The following VPS41 variants were observed in gnomAD, a reference collection of about 807,000 sequenced individuals.
VPS41 encodes the protein VPS41 subunit of HOPS complex, also known as vacuolar protein sorting-associated protein 41 homolog.
Under a neutral mutation model 130.9 loss-of-function variants are expected in VPS41, and 85 were observed. The ratio of observed to expected loss-of-function variants is 0.65; its 90% CI spans 0.55 to 0.78. VPS41 has a LOEUF of 0.78. Among genes scored for constraint, VPS41 ranks in the 30% least tolerant of loss-of-function variants. The probability of loss-of-function intolerance (pLI) is 0.00; values close to 1 mark genes in which losing one functional copy is unlikely to be tolerated. For synonymous variants in VPS41, 335 were observed against 332.9 expected (o/e 1.01, Z -0.07); for missense variants, 874 against 1,018.7 (o/e 0.86, Z 1.93).
At chr7:38,892,461 A>G (rs1308691088) in intron 2 of VPS41, among the ~76,000 whole-genome samples, 1 of 152,144 alleles carries the variant, frequency 6.6e-6, no homozygotes, top group African/African-American at 2.4e-5. Flanking sequence ...ATAACTGTTC[A>G]TTTTTGTAAT....
chr7:38,782,868 G>C (rs899011480), intron 10 of VPS41, among the ~76,000 whole-genome samples: 14 of 152,154 alleles, frequency 9.2e-5, no homozygotes, highest in African/African-American at 3.4e-4. Flanking sequence ...TTTAATCACA[G>C]CAATTTGGGA....
chr7:38,815,583 G>A lies in VPS41; in HGVS notation c.450+2234C>T, dbSNP rs114567041. On this transcript the variant is annotated intron_variant, in intron 7 of 28. Coordinates refer to ENST00000310301, the MANE Select transcript of VPS41 (RefSeq NM_014396.4). ...GAAGGATGCAAAGTATTGCTCCTGG[G>A]TGTGTCTGAGGGTGCTGCCCAAAGG... Among the ~76,000 whole-genome samples, 832 of 152,288 alleles carry A rather than the reference G, an allele frequency of 5.5e-3. 7 individuals are homozygous for A. The highest frequency in any genetic ancestry group is 0.018 in the African/African-American group (754 of 41,542).
chr7:38,732,956 T>G (rs1431155291), intron 25 of VPS41, among the ~76,000 whole-genome samples: 1 of 152,224 alleles, frequency 6.6e-6, no homozygotes, highest in East Asian at 1.9e-4. Context: ...GCCTCCCATG[T>G]AGCTGGGACC....
chr7:38,780,284 A>G (rs1001893312), intron 10 of VPS41, among the ~76,000 whole-genome samples: 2 of 151,420 alleles, frequency 1.3e-5, no homozygotes, highest in Admixed American at 6.6e-5. Context: ...CTAGAAAGCC[A>G]GCTGAGGCTC....
intron 10 of VPS41, among the ~76,000 whole-genome samples, chr7:38,786,651 GA>G (rs968809998): frequency 7.2e-5 from 11 of 151,766 alleles, no homozygotes; most frequent in Non-Finnish European, 1.2e-4. Flanking sequence ...CAAAATGTTA[GA>G]AAAAAAATTC....
intron 25 of VPS41, among the ~76,000 whole-genome samples, chr7:38,739,619 C>T (rs1186672052): frequency 3.3e-5 from 5 of 152,162 alleles, no homozygotes; most frequent in South Asian, 2.1e-4. Context: ...CACCTGCCCC[C>T]GGAGAGCATT....
At chr7:38,842,259 C>A (rs1190703261) in intron 4 of VPS41, among the ~76,000 whole-genome samples, 1 of 152,156 alleles carries the variant, frequency 6.6e-6, no homozygotes, top group East Asian at 1.9e-4. Context: ...ACTGCTGTAG[C>A]AAATGATCTC....
Position 38,817,855 on chromosome 7 carries a change from T to C in VPS41, c.412A>G (p.Arg138Gly). The change falls in exon 7 of 29, where the codon AGA becomes GGA. Residue 138 changes from arginine (R) to glycine (G), a missense_variant. Arg to Gly is a moderately radical substitution (Grantham distance 125). Transcript: ENST00000310301. ...GTCACAAACTGCTTGCAACTGGATC[T>C]CACGAAATGTGGGTGCACAGCAATA... is the stretch of plus-strand genomic sequence containing the variant. ...KIIAVHPHFV[R>G]SSCKQFVTGG... The C allele has an allele frequency of 1.2e-6, 2 of 1,614,062 alleles. No homozygotes were observed. Among genetic ancestry groups the C allele is most frequent in the Non-Finnish European group, 1.7e-6 (2 of 1,180,004 alleles).
At chr7:38,728,836 A>G (rs1355716121) in intron 25 of VPS41, 45 bp from the exon 26 acceptor site, 1 of 1,555,090 alleles carries the variant, frequency 6.4e-7, no homozygotes, top group Admixed American at 1.7e-5. Context: ...AGTAGACTCA[A>G]ATCTGAGGGG....
At chr7:38,807,016 C>T (rs1784851450) in intron 7 of VPS41, among the ~76,000 whole-genome samples, 1 of 152,202 alleles carries the variant, frequency 6.6e-6, no homozygotes, top group Admixed American at 6.5e-5. Context: ...GTGGCAATGA[C>T]CAAACACCTC....
At chr7:38,743,290 G>T in intron 24 of VPS41, 112 bp downstream of exon 24, 1 of 1,193,366 alleles carries the variant, frequency 8.4e-7, no homozygotes, top group Admixed American at 2.0e-5. Context: ...TTTATTGTAG[G>T]TACGCTACCA....
intron 4 of VPS41, among the ~76,000 whole-genome samples, chr7:38,839,592 C>T (rs897911084): frequency 6.6e-6 from 1 of 151,834 alleles, no homozygotes; most frequent in African/African-American, 2.4e-5. Flanking sequence ...CCACGTCCAG[C>T]TAATTTTTTT....
intron 2 of VPS41, among the ~76,000 whole-genome samples, chr7:38,892,199 T>C (rs1786880827): frequency 6.6e-6 from 1 of 151,964 alleles, no homozygotes; most frequent in Non-Finnish European, 1.5e-5. Context: ...TAAAGGTACA[T>C]AGAAGAAGAG....
chr7:38,900,014 G>A (rs1020032996), intron 1 of VPS41, among the ~76,000 whole-genome samples: 5 of 152,150 alleles, frequency 3.3e-5, no homozygotes, highest in South Asian at 4.2e-4. Flanking sequence ...TTGGGAGGCC[G>A]AGGCAGGTGG....
At chr7:38,874,187 G>A (rs1786436963) in intron 2 of VPS41, among the ~76,000 whole-genome samples, 1 of 151,198 alleles carries the variant, frequency 6.6e-6, no homozygotes, top group Non-Finnish European at 1.5e-5. Flanking sequence ...ACTGTTACAG[G>A]CCAAATGAAG....
At chr7:38,836,011 A>G (rs1455295729) in intron 4 of VPS41, among the ~76,000 whole-genome samples, 1 of 151,862 alleles carries the variant, frequency 6.6e-6, no homozygotes, top group Non-Finnish European at 1.5e-5. Context: ...TTTACTGTGT[A>G]TTTTGCTCAC....
At chr7:38,858,393 G>C (rs1786030106) in intron 4 of VPS41, among the ~76,000 whole-genome samples, 1 of 152,120 alleles carries the variant, frequency 6.6e-6, no homozygotes, top group Admixed American at 6.5e-5. Flanking sequence ...TAATGTTAAT[G>C]CCGGTCAGTT....
intron 2 of VPS41, among the ~76,000 whole-genome samples, chr7:38,879,543 A>G (rs1253943117): frequency 6.6e-6 from 1 of 152,078 alleles, no homozygotes; most frequent in Non-Finnish European, 1.5e-5. Context: ...GTGGTCCCCA[A>G]CCTTTTTGGC....
chr7:38,890,761 A>G (rs537139566), intron 2 of VPS41, among the ~76,000 whole-genome samples: 2 of 151,848 alleles, frequency 1.3e-5, no homozygotes, highest in South Asian at 4.2e-4. Context: ...TCATGGTTCA[A>G]TGCAGCCTCA....
Sources: gnomAD v4.1 joint callset for allele counts (sites outside exome capture counted in the v4.1 genomes callset) on GRCh38, gnomAD v4.1.1 for gene constraint, MANE v1.5 for transcripts, NCBI Gene and HGNC (gene_info 2026-07-23, HGNC 2026-07-21) for gene names.